The following GOLPH3L variants were observed in gnomAD, a reference collection of about 807,000 sequenced individuals.
GOLPH3L encodes golgi phosphoprotein 3 like.
In GOLPH3L, 22 loss-of-function variants were observed where a neutral mutation model predicts 30.3. That is an observed-to-expected ratio of 0.73 (90% CI 0.52 to 1.04). The LOEUF is 1.04. Among genes scored for constraint, GOLPH3L ranks in the 50% least tolerant of loss-of-function variants. GOLPH3L has a pLI of 0.00. For synonymous variants in GOLPH3L, 120 were observed against 128.2 expected, an observed-to-expected ratio of 0.94 and a Z score of 0.43; for missense variants, 303 against 345.8, an observed-to-expected ratio of 0.88 and a Z score of 0.98.
rs191968260 is a variant in GOLPH3L at position 150,663,146 on chromosome 1, T to G, written c.315+486A>C. On this transcript the variant is annotated intron_variant, in intron 3 of 4. Transcript: ENST00000271732. Reference sequence around the variant, plus strand: ...ACCTTCCGGGTTCACGCCATTCTCCTGCTTCAGCCTCCCGAGTAGCTGTGA... The same window carrying G: ...ACCTTCCGGGTTCACGCCATTCTCCGGCTTCAGCCTCCCGAGTAGCTGTGA... 1.8e-4 allele frequency among the ~76,000 whole-genome samples: 27 copies of G among 152,084 alleles called. No homozygotes were observed. The East Asian group carries it at 4.8e-3, about 27-fold the overall frequency.
At chr1:150,692,887 A>G (rs1651243761) in intron 2 of GOLPH3L, among the ~76,000 whole-genome samples, 1 of 152,236 alleles carries the variant, frequency 6.6e-6, no homozygotes, top group Admixed American at 6.5e-5. Flanking sequence ...TTCAAAGCTA[A>G]AACAAACCAA....
At chr1:150,671,642 C>T (rs930398007) in intron 2 of GOLPH3L, among the ~76,000 whole-genome samples, 1 of 151,920 alleles carries the variant, frequency 6.6e-6, no homozygotes, top group Non-Finnish European at 1.5e-5. Flanking sequence ...ACTGTCTCTA[C>T]TAAAAATACA....
chr1:150,686,153 G>A (rs1281231880), intron 2 of GOLPH3L, among the ~76,000 whole-genome samples: 3 of 151,950 alleles, frequency 2.0e-5, no homozygotes, highest in Admixed American at 2.0e-4. Flanking sequence ...GATTACAGGC[G>A]TGAGCTACCG....
chr1:150,676,319 T>C (rs962564619), intron 2 of GOLPH3L, among the ~76,000 whole-genome samples: 1 of 152,120 alleles, frequency 6.6e-6, no homozygotes, highest in Non-Finnish European at 1.5e-5. Flanking sequence ...TAGCTCTATG[T>C]AGCCATCACC....
chr1:150,667,507 T>C (rs1208327432), intron 2 of GOLPH3L, among the ~76,000 whole-genome samples: 1 of 152,124 alleles, frequency 6.6e-6, no homozygotes, highest in Admixed American at 6.5e-5. Context: ...TTGGCCAGCC[T>C]TTGGGAACAC....
chr1:150,663,104 G>T (rs955907252), intron 3 of GOLPH3L, among the ~76,000 whole-genome samples: 1 of 151,614 alleles, frequency 6.6e-6, no homozygotes, highest in Non-Finnish European at 1.5e-5. Context: ...GCGGGATCTT[G>T]GCTCACTGCA....
chr1:150,694,771 C>A lies in GOLPH3L; in HGVS notation c.68G>T (p.Ser23Ile). ...TTTCTCCCAATTACTGTCTTCCTCA[C>A]TTTCCATCTTCTTTTCAGAGTTCTT... is the stretch of plus-strand genomic sequence containing the variant. ...ISKNSEKKME[S>I]EEDSNWEKSP... The change falls in exon 2 of 5, where the codon AGT (serine) becomes ATT (isoleucine). Residue 23 changes from serine (S) to isoleucine (I), a missense_variant. By Grantham distance (142) the Ser-to-Ile change is moderately radical (BLOSUM62 -2). Transcript: ENST00000271732. The A allele has an allele frequency of 6.2e-7, 1 of 1,612,966 alleles. No individual in the cohort carries two copies.
intron 2 of GOLPH3L, among the ~76,000 whole-genome samples, chr1:150,681,647 C>T (rs181209183): frequency 6.6e-6 from 1 of 152,136 alleles, no homozygotes; most frequent in East Asian, 1.9e-4. Flanking sequence ...TCAATGGAAT[C>T]CTATGAAACC....
intron 4 of GOLPH3L, among the ~76,000 whole-genome samples, 172 bp from the exon 5 acceptor site, chr1:150,648,920 A>G (rs987882567): frequency 3.0e-4 from 45 of 152,338 alleles, no homozygotes; most frequent in Middle Eastern, 6.8e-3. Flanking sequence ...CACATTTCAC[A>G]TTAAACCAGC....
At chr1:150,693,838 TATATATATA>T (rs1472070681) in intron 2 of GOLPH3L, among the ~76,000 whole-genome samples, 4 of 87,362 alleles carry the variant, frequency 4.6e-5, no homozygotes, top group African/African-American at 1.8e-4. Flanking sequence ...TATATATATA[TATATATATA>T]TTTTTTTTTT....
intron 2 of GOLPH3L, among the ~76,000 whole-genome samples, chr1:150,671,196 C>A (rs1202823709): frequency 6.6e-6 from 1 of 150,522 alleles, no homozygotes; most frequent in Non-Finnish European, 1.5e-5. Context: ...GAGGTGAGTT[C>A]GTGCCACTGC....
chr1:150,683,558 C>G (rs1173378201), intron 2 of GOLPH3L, among the ~76,000 whole-genome samples: 1 of 120,378 alleles, frequency 8.3e-6, no homozygotes, highest in Non-Finnish European at 1.8e-5. Context: ...AAAAAATTAG[C>G]TGGGCTTGGT....
chr1:150,670,470 G>A (rs2101798416), intron 2 of GOLPH3L, among the ~76,000 whole-genome samples: 1 of 152,108 alleles, frequency 6.6e-6, no homozygotes, highest in Non-Finnish European at 1.5e-5. Context: ...GGTGGCGGGT[G>A]CCTGTAGTCC....
chr1:150,652,380 CAAAAAAAAAAA>C lies in GOLPH3L; in HGVS notation c.431-3643_431-3633del, dbSNP rs34446972. Among the ~76,000 whole-genome samples the C allele has an allele frequency of 3.5e-3, 140 of 40,200 alleles. 1 individual carries two copies. The South Asian group carries it at 0.052, about 15-fold the overall frequency. 26.4% of individuals were successfully genotyped at this position (40,200 alleles called of 152,430 possible). ...TGGGTGACAGAGTGAGACTCTGTCT[CAAAAAAAAAAA>C]AAAAAAAAAAAAAAAAACCCTAAAA... On this transcript the variant is annotated intron_variant, in intron 4 of 4. Coordinates refer to ENST00000271732, the MANE Select transcript of GOLPH3L (RefSeq NM_018178.6).
At chr1:150,666,663 G>C (rs919645629) in intron 2 of GOLPH3L, among the ~76,000 whole-genome samples, 1 of 152,070 alleles carries the variant, frequency 6.6e-6, no homozygotes, top group African/African-American at 2.4e-5. Context: ...AAAATATCCG[G>C]CTTCCTATTT....
rs754224090 is a variant in GOLPH3L, at chr1:150,648,317, G to T, written c.*4C>A. 4 of 1,576,548 alleles carry T rather than the reference G, an allele frequency of 2.5e-6. No homozygotes were observed. Among genetic ancestry groups the T allele is most frequent in the Admixed American group, 1.8e-5 (1 of 56,014 alleles). ...GGGGAAAAGGAGAAATCCACCTGCCGGCTTTAAGATTTATTGAAGGCTGCC... is the reference window on the plus strand; with the variant it reads ...GGGGAAAAGGAGAAATCCACCTGCCTGCTTTAAGATTTATTGAAGGCTGCC... On this transcript the variant is annotated 3_prime_UTR_variant, in exon 5 of 5. Transcript: ENST00000271732.
At chr1:150,662,874 G>A (rs1160278174) in intron 3 of GOLPH3L, among the ~76,000 whole-genome samples, 1 of 152,130 alleles carries the variant, frequency 6.6e-6, no homozygotes, top group Non-Finnish European at 1.5e-5. Flanking sequence ...TGATAAAGAA[G>A]TTGTGAGTGG....
chr1:150,678,104 A>G (rs1557786762), intron 2 of GOLPH3L, among the ~76,000 whole-genome samples: 4 of 151,540 alleles, frequency 2.6e-5, no homozygotes. Flanking sequence ...GTTCGAGACC[A>G]GCCTTACCAA....
At chr1:150,663,097 G>C (rs6661114) in intron 3 of GOLPH3L, among the ~76,000 whole-genome samples, 55,976 of 151,426 alleles carry the variant, frequency 0.37, 10,851 homozygotes, top group South Asian at 0.55. Context: ...TGCAGTGGCG[G>C]GATCTTGGCT....
Sources: gnomAD v4.1 joint callset for allele counts (sites outside exome capture counted in the v4.1 genomes callset) on GRCh38, gnomAD v4.1.1 for gene constraint, MANE v1.5 for transcripts, NCBI Gene and HGNC (gene_info 2026-07-23, HGNC 2026-07-21) for gene names.